PTPRD: variants seen among roughly 807,000 people sequenced by gnomAD.
PTPRD encodes the protein receptor-type tyrosine-protein phosphatase delta.
PTPRD carries 34 observed loss-of-function variants against 214.5 expected under a neutral mutation model. The observed-to-expected ratio is 0.16, with a 90% confidence interval of 0.12 to 0.21. PTPRD has a LOEUF of 0.21. PTPRD is among the 10% of genes least tolerant of loss of function. The pLI is 1.00. For synonymous variants in PTPRD, 1,128 were observed against 845.7 expected (o/e 1.33, Z -5.79); for missense variants, 2,545 against 2,398.7 (o/e 1.06, Z -1.27).
chr9:10,164,544 T>G (rs2099147597), intron 3 of PTPRD, among the ~76,000 whole-genome samples: 1 of 151,614 alleles, frequency 6.6e-6, no homozygotes, highest in African/African-American at 2.4e-5. Context: ...GGACACTAAC[T>G]TCATATTACA....
At chr9:8,373,740 C>T (rs1264239562) in intron 39 of PTPRD, among the ~76,000 whole-genome samples, 3 of 151,204 alleles carry the variant, frequency 2.0e-5, no homozygotes, top group Admixed American at 6.6e-5. Context: ...GTATCTGTCA[C>T]GGTGCCTAGC....
At chr9:10,042,983 T>C (rs1781946093) in intron 3 of PTPRD, among the ~76,000 whole-genome samples, 1 of 151,960 alleles carries the variant, frequency 6.6e-6, no homozygotes, top group African/African-American at 2.4e-5. Flanking sequence ...CACTGAATTT[T>C]AACTGAGAAT....
intron 8 of PTPRD, among the ~76,000 whole-genome samples, chr9:9,540,110 A>C (rs1456737965): frequency 6.6e-6 from 1 of 151,810 alleles, no homozygotes; most frequent in Non-Finnish European, 1.5e-5. Context: ...ATGCCTTCTT[A>C]CCTACTACTG....
chr9:9,703,697 G>C (rs572618600), intron 7 of PTPRD, among the ~76,000 whole-genome samples: 2 of 152,026 alleles, frequency 1.3e-5, no homozygotes, highest in African/African-American at 2.4e-5. Flanking sequence ...AAATCTATTT[G>C]TTAATAAGTG....
intron 3 of PTPRD, among the ~76,000 whole-genome samples, chr9:10,168,051 T>A (rs1410685428): frequency 6.6e-6 from 1 of 152,190 alleles, no homozygotes. Flanking sequence ...GCAATTCACG[T>A]GTTTTTCCTT....
intron 4 of PTPRD, among the ~76,000 whole-genome samples, chr9:9,978,448 C>T (rs530550198): frequency 6.6e-6 from 1 of 151,918 alleles, no homozygotes; most frequent in East Asian, 1.9e-4. Context: ...ACTCGGACTT[C>T]ATCTAGCTAA....
chr9:9,625,466 A>T (rs1381578334), intron 7 of PTPRD, among the ~76,000 whole-genome samples: 1 of 152,138 alleles, frequency 6.6e-6, no homozygotes, highest in African/African-American at 2.4e-5. Context: ...AACCATAGGC[A>T]GCTCCAGCAT....
At chr9:9,564,935 T>C (rs1486783965) in intron 8 of PTPRD, among the ~76,000 whole-genome samples, 1 of 120,712 alleles carries the variant, frequency 8.3e-6, no homozygotes, top group Non-Finnish European at 1.7e-5. Flanking sequence ...AAGGCTAACC[T>C]GTTATGGGCT....
chr9:8,330,312 C>A (rs1167279189), intron 44 of PTPRD, among the ~76,000 whole-genome samples: 2 of 152,144 alleles, frequency 1.3e-5, no homozygotes, highest in African/African-American at 4.8e-5. Context: ...CCTATTCAGC[C>A]ATCTTTCCAG....
intron 8 of PTPRD, among the ~76,000 whole-genome samples, chr9:9,463,984 T>A (rs192150828): frequency 6.6e-6 from 1 of 152,304 alleles, no homozygotes; most frequent in East Asian, 1.9e-4. Context: ...CTGCTTCTTG[T>A]TAACTAACTC....
chr9:10,017,952 A>T (rs1040611965), intron 4 of PTPRD, among the ~76,000 whole-genome samples: 26 of 152,200 alleles, frequency 1.7e-4, no homozygotes, highest in African/African-American at 6.3e-4. Context: ...GGGTCCCCAG[A>T]GATCTCCCCC....
intron 11 of PTPRD, among the ~76,000 whole-genome samples, chr9:8,827,622 A>T (rs939697960): frequency 3.9e-5 from 6 of 152,282 alleles, no homozygotes; most frequent in East Asian, 1.9e-4. Context: ...AACAAAAAAA[A>T]TTAGGTTTTT....
At chr9:9,453,401 A>G (rs904057593) in intron 8 of PTPRD, among the ~76,000 whole-genome samples, 1 of 151,674 alleles carries the variant, frequency 6.6e-6, no homozygotes, top group African/African-American at 2.4e-5. Context: ...ATATCATAAT[A>G]TTTTATAAAA....
intron 36 of PTPRD, among the ~76,000 whole-genome samples, chr9:8,399,325 C>T (rs2091950570): frequency 6.6e-6 from 1 of 152,036 alleles, no homozygotes; most frequent in Middle Eastern, 3.2e-3. Context: ...ATTGTATATG[C>T]ATGAACTTTC....
intron 14 of PTPRD, among the ~76,000 whole-genome samples, chr9:8,565,486 A>G (rs1363274479): frequency 1.3e-5 from 2 of 152,198 alleles, no homozygotes; most frequent in African/African-American, 2.4e-5. Context: ...ATGCATGAGT[A>G]GTGTTTCAGG....
chr9:9,215,182 C>G (rs1243473946), intron 9 of PTPRD, among the ~76,000 whole-genome samples: 2 of 152,158 alleles, frequency 1.3e-5, no homozygotes, highest in African/African-American at 4.8e-5. Flanking sequence ...TAGAAGTCAT[C>G]TGCTGGTGGG....
intron 11 of PTPRD, among the ~76,000 whole-genome samples, chr9:8,829,478 T>C (rs2097243169): frequency 6.6e-6 from 1 of 151,852 alleles, no homozygotes; most frequent in African/African-American, 2.4e-5. Flanking sequence ...TTTGTATTGG[T>C]GAGTAGCTCT....
chr9:9,359,552 T>C (rs2055197376), intron 9 of PTPRD, among the ~76,000 whole-genome samples: 1 of 151,242 alleles, frequency 6.6e-6, no homozygotes, highest in South Asian at 2.1e-4. Flanking sequence ...TGGGATTCAA[T>C]AATTATTACC....
rs185101182 is a variant in PTPRD, at chr9:9,163,547, G to C, written c.-143+19757C>G. On this transcript the variant is annotated intron_variant, in intron 10 of 45. Coordinates refer to ENST00000381196, the MANE Select transcript of PTPRD (RefSeq NM_002839.4). The stretch of plus-strand genomic sequence containing the variant: ...TACTATGTATTTTTTCTCCTCATTG[G>C]TTGCCATCTCTTCCTAATTGGCCTT... Among the ~76,000 whole-genome samples, 29 of 149,864 alleles carry C rather than the reference G, an allele frequency of 1.9e-4. No individual in the cohort carries two copies. The Admixed American group carries it at 2.0e-3, about 10-fold the overall frequency.
Sources: gnomAD v4.1 joint callset for allele counts (sites outside exome capture counted in the v4.1 genomes callset) on GRCh38, gnomAD v4.1.1 for gene constraint, MANE v1.5 for transcripts, NCBI Gene and HGNC (gene_info 2026-07-23, HGNC 2026-07-21) for gene names.